The following HERC4 variants were observed in gnomAD, a reference collection of about 807,000 sequenced individuals.
The protein encoded by HERC4 is probable E3 ubiquitin-protein ligase HERC4.
In HERC4, 28 loss-of-function variants were observed where a neutral mutation model predicts 124.3. The ratio of observed to expected loss-of-function variants is 0.23; its 90% CI spans 0.17 to 0.31. The LOEUF is 0.31. HERC4 is among the 10% of genes least tolerant of loss of function. HERC4 has a pLI of 1.00. For synonymous variants in HERC4, 407 were observed against 421.5 expected (o/e 0.97, Z 0.42); for missense variants, 713 against 1,229.3 (o/e 0.58, Z 6.28).
intron 9 of HERC4, among the ~76,000 whole-genome samples, chr10:67,998,635 T>G (rs560492247): frequency 6.6e-6 from 1 of 152,046 alleles, no homozygotes; most frequent in South Asian, 2.1e-4. Context: ...ACAACCTTAC[T>G]GCTCTAATTC....
intron 23 of HERC4, among the ~76,000 whole-genome samples, chr10:67,927,913 T>A (rs945436790): frequency 6.6e-6 from 1 of 152,110 alleles, no homozygotes; most frequent in South Asian, 2.1e-4. Flanking sequence ...GCAACCTAAG[T>A]AAAATTATGT....
At chr10:68,058,260 G>A (rs964663203) in intron 3 of HERC4, among the ~76,000 whole-genome samples, 2 of 152,046 alleles carry the variant, frequency 1.3e-5, no homozygotes, top group Non-Finnish European at 2.9e-5. Context: ...GCTCTAGTAA[G>A]GTTAATTGAA....
At chr10:67,952,315 C>T in intron 19 of HERC4, among the ~76,000 whole-genome samples, 1 of 152,086 alleles carries the variant, frequency 6.6e-6, no homozygotes, top group Non-Finnish European at 1.5e-5. Flanking sequence ...AAGAGAGTCT[C>T]GTTTTGTCAC....
intron 9 of HERC4, chr10:68,010,376 T>G: frequency 1.0e-6 from 1 of 968,044 alleles, no homozygotes; most frequent in South Asian, 1.4e-5. Flanking sequence ...CTGGTGCCCC[T>G]GAGAAAGGAG....
chr10:67,923,078 G>C lies in HERC4; in HGVS notation c.3003C>G (p.Ile1001Met), dbSNP rs1352988949. Residue 1001 changes from isoleucine (I) to methionine (M), a missense_variant, in exon 25 of 25, where the codon ATC becomes ATG. Transcript: ENST00000373700. Reference sequence around the variant, plus strand: ...ACTCCTCACCACCTCCTGTGGACTGGATGACTAGTTTCAGACTCTTCATAC... The same window carrying C: ...ACTCCTCACCACCTCCTGTGGACTGCATGACTAGTTTCAGACTCTTCATAC... Reference protein sequence around the residue: ...ILGMKSLKLVIQSTGGGEEYL... With the variant: ...ILGMKSLKLVMQSTGGGEEYL... 6 of 1,613,864 alleles carry C rather than the reference G, an allele frequency of 3.7e-6. No individual in the cohort carries two copies. Among genetic ancestry groups the C allele is most frequent in the Non-Finnish European group, 5.1e-6 (6 of 1,179,898 alleles).
chr10:67,956,813 T>C, intron 17 of HERC4, 65 bp downstream of exon 17: 1 of 1,091,654 alleles, frequency 9.2e-7, no homozygotes, highest in Non-Finnish European at 1.3e-6. Flanking sequence ...AAATTTCAAA[T>C]ATTTACTGTC....
intron 3 of HERC4, among the ~76,000 whole-genome samples, chr10:68,057,108 AAT>A (rs751097405): frequency 6.6e-6 from 1 of 151,526 alleles, no homozygotes; most frequent in African/African-American, 2.4e-5. Context: ...ACATCCATGT[AAT>A]ATATATATAT....
At chr10:67,935,355 C>T (rs998944046) in intron 22 of HERC4, among the ~76,000 whole-genome samples, 3 of 152,058 alleles carry the variant, frequency 2.0e-5, no homozygotes, top group Admixed American at 2.0e-4. Flanking sequence ...CTGCATTAGC[C>T]AGGATGGTCT....
intron 9 of HERC4, among the ~76,000 whole-genome samples, chr10:68,007,418 G>C (rs1241069382): frequency 6.6e-6 from 1 of 152,058 alleles, no homozygotes; most frequent in Non-Finnish European, 1.5e-5. Flanking sequence ...TTGAATTTCT[G>C]AAAAGTCACA....
At chr10:67,935,250 A>C (rs1291588139) in intron 22 of HERC4, among the ~76,000 whole-genome samples, 1 of 150,046 alleles carries the variant, frequency 6.7e-6, no homozygotes, top group African/African-American at 2.5e-5. Context: ...GGTTCAAGAG[A>C]CTCTTCTGCC....
intron 9 of HERC4, among the ~76,000 whole-genome samples, chr10:68,002,531 T>C (rs887606611): frequency 3.3e-5 from 5 of 151,492 alleles, no homozygotes; most frequent in Non-Finnish European, 5.9e-5. Context: ...AATAGGTATA[T>C]ACAAGTTTGG....
At chr10:68,060,911 T>C (rs1033936032) in intron 3 of HERC4, among the ~76,000 whole-genome samples, 10 of 152,082 alleles carry the variant, frequency 6.6e-5, no homozygotes, top group Non-Finnish European at 1.2e-4. Context: ...ATCCTCGTTA[T>C]GCCATCCTAA....
intron 3 of HERC4, chr10:68,069,449 T>C (rs1480570612): frequency 8.1e-6 from 8 of 985,178 alleles, no homozygotes; most frequent in Non-Finnish European, 8.4e-6. Flanking sequence ...ATGAACATAA[T>C]CTGCACCTTT....
intron 23 of HERC4, among the ~76,000 whole-genome samples, chr10:67,931,559 G>C (rs138714641): frequency 0.085 from 12,875 of 151,880 alleles, 732 homozygotes; most frequent in Middle Eastern, 0.17. Flanking sequence ...CAAGTAGCTG[G>C]GATTACAGGT....
intron 3 of HERC4, among the ~76,000 whole-genome samples, chr10:68,061,337 T>C (rs143288929): frequency 2.6e-5 from 4 of 151,524 alleles, no homozygotes; most frequent in African/African-American, 9.7e-5. Flanking sequence ...GTCGATACCA[T>C]CCTGGCTAAC....
intron 5 of HERC4, among the ~76,000 whole-genome samples, chr10:68,035,897 T>C (rs1212129124): frequency 6.6e-6 from 1 of 152,238 alleles, no homozygotes; most frequent in African/African-American, 2.4e-5. Context: ...AAGTTTTTCT[T>C]TATAGCCCTT....
chr10:68,013,212 T>C (rs1425566259), intron 9 of HERC4, among the ~76,000 whole-genome samples: 1 of 152,242 alleles, frequency 6.6e-6, no homozygotes, highest in African/African-American at 2.4e-5. Flanking sequence ...TAAGACATAA[T>C]GTCATCATTG....
At chr10:68,029,133 G>A (rs2039058533) in intron 7 of HERC4, among the ~76,000 whole-genome samples, 1 of 152,100 alleles carries the variant, frequency 6.6e-6, no homozygotes, top group South Asian at 2.1e-4. Context: ...CACTATGACT[G>A]TGCCACTGCA....
In HERC4 at chr10:68,054,527, A is replaced by G. The variant is rs183589369; in HGVS notation, c.227-9964T>C. Among the ~76,000 whole-genome samples the G allele has an allele frequency of 4.9e-3, 752 of 152,092 alleles. 5 individuals are homozygous for G. The highest frequency in any genetic ancestry group is 7.0e-3 in the Non-Finnish European group (473 of 67,968). Reference sequence around the variant, plus strand: ...CCAGCTAATTTTTTGTATTTTTAGTAGAGATGAGGTTTCACCATGTTGGCC... The same window carrying G: ...CCAGCTAATTTTTTGTATTTTTAGTGGAGATGAGGTTTCACCATGTTGGCC... On this transcript the variant is annotated intron_variant, in intron 3 of 24. Transcript: ENST00000373700.
Sources: allele counts gnomAD v4.1 joint callset (sites outside exome capture counted in the v4.1 genomes callset), GRCh38; gene constraint gnomAD v4.1.1; transcripts MANE v1.5; gene names NCBI Gene and HGNC (gene_info 2026-07-23, HGNC 2026-07-21).